Variants in COMMD1 observed in about 807,000 individuals in gnomAD.
The protein encoded by COMMD1 is COMM domain-containing protein 1.
COMMD1 carries 10 observed loss-of-function variants against 17.2 expected under a neutral mutation model. The observed-to-expected ratio is 0.58, with a 90% CI of 0.36 to 0.99. COMMD1 has a LOEUF of 0.99. Among genes scored for constraint, COMMD1 ranks in the 50% least tolerant of loss-of-function variants. The probability of loss-of-function intolerance (pLI) is 0.01; values close to 1 mark genes in which losing one functional copy is unlikely to be tolerated. For missense variants in COMMD1, 270 were observed against 231.8 expected (o/e 1.17, Z -1.07); for synonymous variants, 97 against 91.6 (o/e 1.06, Z -0.34).
chr2:62,121,256 G>T (rs1409978694), intron 2 of COMMD1, among the ~76,000 whole-genome samples: 1 of 150,406 alleles, frequency 6.6e-6, no homozygotes, highest in Non-Finnish European at 1.5e-5. Context: ...TGTAATCCCA[G>T]CCACTTGGGA....
chr2:62,126,908 T>C (rs1271241839), intron 2 of COMMD1, among the ~76,000 whole-genome samples: 2 of 152,106 alleles, frequency 1.3e-5, no homozygotes, highest in Non-Finnish European at 2.9e-5. Flanking sequence ...GAAATAAAGG[T>C]ATTCAAATAG....
At chr2:61,963,190 T>TATAC (rs1280301014) in intron 1 of COMMD1, among the ~76,000 whole-genome samples, 202 of 136,366 alleles carry the variant, frequency 1.5e-3, no homozygotes, top group African/African-American at 5.1e-3. Flanking sequence ...ATATATTATA[T>TATAC]ACACACACAC....
intron 1 of COMMD1, among the ~76,000 whole-genome samples, chr2:61,979,675 C>T (rs1167415943): frequency 2.0e-5 from 3 of 152,124 alleles, no homozygotes; most frequent in Non-Finnish European, 4.4e-5. Context: ...TTCCCACCAA[C>T]AGTGTACAAG....
At chr2:61,925,058 C>T (rs1670293485) in intron 1 of COMMD1, among the ~76,000 whole-genome samples, 1 of 152,100 alleles carries the variant, frequency 6.6e-6, no homozygotes, top group Non-Finnish European at 1.5e-5. Flanking sequence ...TTCACTCACC[C>T]TGGTGGAGGC....
intron 2 of COMMD1, among the ~76,000 whole-genome samples, chr2:62,059,532 G>C (rs10183701): frequency 2.8e-4 from 43 of 152,002 alleles, no homozygotes; most frequent in African/African-American, 9.7e-4. Flanking sequence ...AAATAATATA[G>C]CCTCTCCCCA....
At chr2:61,894,607 G>A (rs935230278) in intron 1 of COMMD1, among the ~76,000 whole-genome samples, 14 of 151,394 alleles carry the variant, frequency 9.2e-5, no homozygotes, top group East Asian at 7.7e-4. Flanking sequence ...TATACTTAAT[G>A]AAACTAGGCC....
intron 2 of COMMD1, among the ~76,000 whole-genome samples, chr2:62,007,220 A>G (rs1669147315): frequency 1.3e-5 from 2 of 152,160 alleles, no homozygotes; most frequent in East Asian, 3.8e-4. Flanking sequence ...TAGCAGACCT[A>G]TAGAGGAAGA....
chr2:62,111,149 T>C (rs1474182253), intron 2 of COMMD1, among the ~76,000 whole-genome samples: 1 of 152,168 alleles, frequency 6.6e-6, no homozygotes, highest in Non-Finnish European at 1.5e-5. Context: ...CACTTACAAG[T>C]TTCTCACAAT....
At chr2:62,104,633 C>CAAAAAAAAAAAAAAAAAAAA (rs35679940) in intron 2 of COMMD1, among the ~76,000 whole-genome samples, 1 of 76,728 alleles carries the variant, frequency 1.3e-5, no homozygotes, top group African/African-American at 5.1e-5. Flanking sequence ...GACTCCGTCT[C>CAAAAAAAAAAAAAAAAAAAA]AAAAAAAAAA....
chr2:61,956,281 T>G (rs1172078432), intron 1 of COMMD1, among the ~76,000 whole-genome samples: 3 of 152,246 alleles, frequency 2.0e-5, no homozygotes, highest in African/African-American at 2.4e-5. Context: ...CAGTTGGTTG[T>G]TTATTTCTGG....
At chr2:61,996,790 C>G (rs1421433052) in intron 1 of COMMD1, among the ~76,000 whole-genome samples, 1 of 152,178 alleles carries the variant, frequency 6.6e-6, no homozygotes, top group East Asian at 1.9e-4. Flanking sequence ...ACTTCTAATT[C>G]TTGTTCTCTT....
intron 2 of COMMD1, among the ~76,000 whole-genome samples, chr2:62,113,406 A>G (rs913439115): frequency 4.6e-5 from 7 of 151,958 alleles, no homozygotes; most frequent in Non-Finnish European, 1.0e-4. Flanking sequence ...TAGAGCCATT[A>G]TGGTTTTTAT....
At chr2:62,103,040 G>A (rs184122347) in intron 2 of COMMD1, among the ~76,000 whole-genome samples, 86 of 150,596 alleles carry the variant, frequency 5.7e-4, no homozygotes, top group Non-Finnish European at 7.7e-4. Context: ...GTGCAGTGGC[G>A]CGATCTCCGC....
At chr2:62,029,415 T>C (rs1001311669) in intron 2 of COMMD1, among the ~76,000 whole-genome samples, 1 of 152,114 alleles carries the variant, frequency 6.6e-6, no homozygotes, top group Non-Finnish European at 1.5e-5. Flanking sequence ...AGAAAAAATA[T>C]ATATAATGTA....
chr2:61,996,318 G>A (rs879563735), intron 1 of COMMD1, among the ~76,000 whole-genome samples: 4,539 of 49,904 alleles, frequency 0.091, 114 homozygotes, highest in East Asian at 0.27. Context: ...TTCTAAATGT[G>A]TGTGTGTGTG....
intron 2 of COMMD1, among the ~76,000 whole-genome samples, chr2:62,094,051 G>T (rs187461100): frequency 1.3e-5 from 2 of 152,256 alleles, no homozygotes; most frequent in Non-Finnish European, 2.9e-5. Flanking sequence ...AGAACCATCC[G>T]TGAACCAAAT....
chr2:61,912,551 A>C (rs1333637084), intron 1 of COMMD1, among the ~76,000 whole-genome samples: 1 of 152,194 alleles, frequency 6.6e-6, no homozygotes, highest in Non-Finnish European at 1.5e-5. Context: ...CCTAGCCAAC[A>C]TGGTGAAATT....
At chr2:61,901,912 C>T (rs1292242823), upstream of COMMD1, among the ~76,000 whole-genome samples, 1 of 152,040 alleles carries the variant, frequency 6.6e-6, no homozygotes, top group Non-Finnish European at 1.5e-5. Flanking sequence ...TGGCTCACTG[C>T]AACCTCTGCC....
At chr2:62,012,885 T>C (rs1412412801) in intron 2 of COMMD1, among the ~76,000 whole-genome samples, 1 of 151,974 alleles carries the variant, frequency 6.6e-6, no homozygotes, top group African/African-American at 2.4e-5. Context: ...TTAATTTGAG[T>C]GAAGGAAGAT....
Sources: allele counts gnomAD v4.1 joint callset (sites outside exome capture counted in the v4.1 genomes callset), GRCh38; gene constraint gnomAD v4.1.1; transcripts MANE v1.5; gene names NCBI Gene and HGNC (gene_info 2026-07-23, HGNC 2026-07-21).